Variants in GABRA3 observed in about 807,000 individuals in gnomAD.
GABRA3 encodes gamma-aminobutyric acid type A receptor subunit alpha3.
GABRA3 carries 10 observed loss-of-function variants against 30.1 expected under a neutral mutation model. The ratio of observed to expected loss-of-function variants is 0.33; its 90% CI spans 0.20 to 0.56. The LOEUF is 0.56. GABRA3 is among the 20% of genes least tolerant of loss of function. GABRA3 has a pLI of 0.89. For synonymous variants in GABRA3, 151 were observed against 146.8 expected, an observed-to-expected ratio of 1.03 and a Z score of -0.21; for missense variants, 233 against 392.0, an observed-to-expected ratio of 0.59 and a Z score of 3.42.
intron 4 of GABRA3, among the ~76,000 whole-genome samples, chrX:152,268,344 C>A (rs1603229504): frequency 9.0e-6 from 1 of 111,562 alleles, no homozygotes; most frequent in East Asian, 2.8e-4. Context: ...ATGCTGTTCT[C>A]CTGATAGTGA....
At chrX:152,396,775 G>C (rs1929672850) in intron 1 of GABRA3, among the ~76,000 whole-genome samples, 1 of 112,248 alleles carries the variant, frequency 8.9e-6, no homozygotes, top group South Asian at 3.7e-4. Context: ...TAAATGTTCA[G>C]ATAAACTTTA....
intron 2 of GABRA3, among the ~76,000 whole-genome samples, chrX:152,348,730 T>C (rs768385222): frequency 1.3e-4 from 15 of 112,468 alleles, no homozygotes; most frequent in African/African-American, 3.9e-4. Context: ...GTTATGTTTA[T>C]ACTGTACAGC....
chrX:152,357,585 C>T (rs1218991604), intron 2 of GABRA3, among the ~76,000 whole-genome samples: 1 of 111,351 alleles, frequency 9.0e-6, no homozygotes, highest in Non-Finnish European at 1.9e-5. Context: ...TGTTTACTCC[C>T]TTGATAGTTT....
intron 1 of GABRA3, among the ~76,000 whole-genome samples, chrX:152,444,851 G>A (rs1602734605): frequency 1.1e-5 from 1 of 92,206 alleles, no homozygotes. Context: ...CACGAGGTCA[G>A]GAGATCGAGA....
chrX:152,301,759 C>T (rs1939635541), intron 3 of GABRA3, among the ~76,000 whole-genome samples: 1 of 111,158 alleles, frequency 9.0e-6, no homozygotes. Flanking sequence ...GTCTTGAACT[C>T]CTGACCTCAT....
chrX:152,436,860 A>G (rs992973902), intron 1 of GABRA3, among the ~76,000 whole-genome samples: 60 of 111,617 alleles, frequency 5.4e-4, no homozygotes, highest in Non-Finnish European at 9.8e-4. Flanking sequence ...GGTACAAGTC[A>G]TAATAGAAAA....
intron 1 of GABRA3, among the ~76,000 whole-genome samples, chrX:152,444,953 T>C (rs1199263468): frequency 2.8e-4 from 24 of 85,215 alleles, no homozygotes; most frequent in African/African-American, 9.0e-4. Flanking sequence ...CCCAGCTACT[T>C]GGGAGGCTGA....
chrX:152,377,813 T>A (rs1291572913), intron 1 of GABRA3, among the ~76,000 whole-genome samples: 1 of 111,490 alleles, frequency 9.0e-6, no homozygotes, highest in Non-Finnish European at 1.9e-5. Flanking sequence ...TGCACACACA[T>A]ACACACAAAC....
At chrX:152,423,440 A>G (rs1423838474) in intron 1 of GABRA3, among the ~76,000 whole-genome samples, 2 of 112,336 alleles carry the variant, frequency 1.8e-5, no homozygotes, top group Admixed American at 9.5e-5. Context: ...TGAAAGAACA[A>G]TTTATGACCA....
intron 5 of GABRA3, among the ~76,000 whole-genome samples, chrX:152,235,590 TA>T (rs1250742057): frequency 2.7e-5 from 3 of 111,594 alleles, no homozygotes; most frequent in African/African-American, 9.8e-5. Context: ...ACACACTATT[TA>T]AAAAATACAT....
chrX:152,403,218 A>G (rs1187848305), intron 1 of GABRA3, among the ~76,000 whole-genome samples: 1 of 111,538 alleles, frequency 9.0e-6, no homozygotes, highest in Admixed American at 9.6e-5. Flanking sequence ...AAAAAAGAGA[A>G]AAAGTGTTAG....
chrX:152,220,923 A>G (rs1937823647), intron 6 of GABRA3, among the ~76,000 whole-genome samples: 1 of 110,190 alleles, frequency 9.1e-6, no homozygotes, highest in Admixed American at 9.8e-5. Context: ...ACAAGTGCCT[A>G]TTAAAGACTT....
chrX:152,241,963 T>C (rs1487919705), intron 5 of GABRA3, among the ~76,000 whole-genome samples: 1 of 111,845 alleles, frequency 8.9e-6, no homozygotes, highest in Non-Finnish European at 1.9e-5. Flanking sequence ...ATCACCCGTC[T>C]TCTGCGTCGC....
chrX:152,222,330 C>T (rs900077581), intron 6 of GABRA3, among the ~76,000 whole-genome samples: 3 of 106,549 alleles, frequency 2.8e-5, no homozygotes, highest in Non-Finnish European at 5.8e-5. Context: ...CTGCCTTCTG[C>T]TTGTCAAATC....
intron 1 of GABRA3, among the ~76,000 whole-genome samples, chrX:152,411,903 G>T (rs1051470435): frequency 9.0e-6 from 1 of 110,904 alleles, no homozygotes; most frequent in Non-Finnish European, 1.9e-5. Flanking sequence ...ATTAAAAGAT[G>T]GGCTACAAGT....
chrX:152,306,871 TA>T (rs776570945), intron 3 of GABRA3, among the ~76,000 whole-genome samples: 221 of 111,563 alleles, frequency 2.0e-3, no homozygotes, highest in African/African-American at 6.7e-3. Context: ...GATATACACC[TA>T]CAGTGCCCCA....
At chrX:152,408,927 C>T (rs1446420806) in intron 1 of GABRA3, among the ~76,000 whole-genome samples, 2 of 112,007 alleles carry the variant, frequency 1.8e-5, no homozygotes, top group African/African-American at 6.5e-5. Context: ...GCATTTGTGA[C>T]CAATTCATTT....
chrX:152,220,380 T>C (rs962877655), intron 6 of GABRA3, among the ~76,000 whole-genome samples: 3 of 112,164 alleles, frequency 2.7e-5, no homozygotes, highest in African/African-American at 9.7e-5. Flanking sequence ...CTCATCCATG[T>C]TGTTGAGTGT....
chrX:152,168,653 G>C (rs1231296954), intron 9 of GABRA3, 90 bp from the exon 10 acceptor site: 2 of 707,778 alleles, frequency 2.8e-6, no homozygotes, highest in East Asian at 6.5e-5. Flanking sequence ...GCTGCAGGGA[G>C]GAGGAGCCAT....
Sources: gnomAD v4.1 joint callset for allele counts (sites outside exome capture counted in the v4.1 genomes callset) on GRCh38, gnomAD v4.1.1 for gene constraint, MANE v1.5 for transcripts, NCBI Gene and HGNC (gene_info 2026-07-23, HGNC 2026-07-21) for gene names.